Variants in ACYP2 observed in about 807,000 individuals in gnomAD.
The protein encoded by ACYP2 is acylphosphatase 2, also known as acylphosphatase-2.
ACYP2 carries 12 observed loss-of-function variants against 11.2 expected under a neutral mutation model. The ratio of observed to expected loss-of-function variants is 1.08; its 90% CI spans 0.69 to 1.74. The LOEUF (loss-of-function observed/expected upper bound fraction) is 1.74. ACYP2 is among the 40% of genes most tolerant of loss of function. The probability of loss-of-function intolerance (pLI) is 0.00; values close to 1 mark genes in which losing one functional copy is unlikely to be tolerated. For synonymous variants in ACYP2, 43 were observed against 32.2 expected, an observed-to-expected ratio of 1.33 and a Z score of -1.13; for missense variants, 134 against 101.9, an observed-to-expected ratio of 1.31 and a Z score of -1.35.
intron 6 of ACYP2, among the ~76,000 whole-genome samples, chr2:54,266,624 G>T (rs1573018674): frequency 2.7e-5 from 1 of 36,994 alleles, no homozygotes; most frequent in Non-Finnish European, 5.0e-5. Flanking sequence ...TTTTTTTTTT[G>T]AGACGGAGTC....
intron 6 of ACYP2, among the ~76,000 whole-genome samples, chr2:54,192,544 G>A (rs1057492464): frequency 4.6e-5 from 7 of 152,060 alleles, no homozygotes; most frequent in African/African-American, 1.4e-4. Context: ...ATTCCAGCCA[G>A]AACCTGGGAA....
intron 4 of ACYP2, among the ~76,000 whole-genome samples, chr2:54,069,474 A>T (rs1358881669): frequency 6.6e-6 from 1 of 152,118 alleles, no homozygotes; most frequent in East Asian, 1.9e-4. Context: ...CATCTTTGCT[A>T]ACACGGTGAA....
At chr2:54,184,936 T>G (rs149369877) in intron 6 of ACYP2, among the ~76,000 whole-genome samples, 4,699 of 150,984 alleles carry the variant, frequency 0.031, 240 homozygotes, top group African/African-American at 0.11. Flanking sequence ...AACCTCTGCC[T>G]CCCGGGTTCA....
intron 6 of ACYP2, chr2:54,142,890 A>C (rs1362966900): frequency 1.3e-5 from 2 of 152,122 alleles, no homozygotes; most frequent in Non-Finnish European, 2.9e-5. Context: ...TTTCTTGCTA[A>C]GTTATTTCTA....
chr2:53,988,371 A>G (rs746046331), intron 2 of ACYP2, among the ~76,000 whole-genome samples: 3 of 152,058 alleles, frequency 2.0e-5, no homozygotes, highest in Admixed American at 1.3e-4. Context: ...TGTTTTGCCT[A>G]TGAATGTCCC....
chr2:54,166,775 C>T (rs992043213), intron 6 of ACYP2, among the ~76,000 whole-genome samples: 9 of 152,144 alleles, frequency 5.9e-5, no homozygotes, highest in Non-Finnish European at 1.2e-4. Context: ...TGTATCCCCA[C>T]CTTCCAAGCC....
intron 4 of ACYP2, among the ~76,000 whole-genome samples, chr2:54,127,264 A>T (rs911229906): frequency 2.0e-5 from 3 of 152,198 alleles, no homozygotes; most frequent in Non-Finnish European, 4.4e-5. Context: ...TATGTTTTGC[A>T]TACATGGAAA....
intron 4 of ACYP2, among the ~76,000 whole-genome samples, chr2:54,063,470 G>A (rs1316357320): frequency 6.6e-6 from 1 of 152,196 alleles, no homozygotes; most frequent in African/African-American, 2.4e-5. Flanking sequence ...GCATCAACAA[G>A]CAACCTGTCC....
Position 54,051,687 on chromosome 2 carries a change from T to C in ACYP2, c.155+637T>C, listed in dbSNP as rs1675874858. On this transcript the variant is annotated intron_variant, in intron 3 of 6. Coordinates refer to ENST00000607452, the MANE Select transcript of ACYP2 (RefSeq NM_001320586.2). ...AAATATGAAAGGATATTGCTGCATA[T>C]TGAGCTAAAGGAAAGCCTGATGCAG... The C allele has an allele frequency of 6.0e-6, 4 of 663,328 alleles. No individual in the cohort carries two copies. In the East Asian group the frequency reaches 8.7e-5, roughly 14 times the overall value. 41.1% of individuals were successfully genotyped at this position (663,328 alleles called of 1,614,324 possible). A position where few individuals can be genotyped will look rare whatever the true frequency, so the allele number is the denominator to read the frequency against.
At chr2:54,019,183 C>T (rs1270904165) in intron 2 of ACYP2, among the ~76,000 whole-genome samples, 1 of 151,894 alleles carries the variant, frequency 6.6e-6, no homozygotes, top group East Asian at 1.9e-4. Context: ...CCTTCCACCT[C>T]AGCCTCCTTA....
At chr2:54,002,157 C>G (rs1204818069) in intron 2 of ACYP2, among the ~76,000 whole-genome samples, 1 of 152,200 alleles carries the variant, frequency 6.6e-6, no homozygotes, top group Non-Finnish European at 1.5e-5. Flanking sequence ...CATGTCCTGC[C>G]TATTCATTCC....
chr2:54,253,239 G>C (rs1438801571), intron 6 of ACYP2: 1 of 152,208 alleles, frequency 6.6e-6, no homozygotes, highest in Non-Finnish European at 1.5e-5. Context: ...TTCCGCATCA[G>C]ATAAGACCAA....
At chr2:54,299,434 A>G (rs1689637866) in intron 6 of ACYP2, among the ~76,000 whole-genome samples, 1 of 152,022 alleles carries the variant, frequency 6.6e-6, no homozygotes. Flanking sequence ...TCTACTAAAA[A>G]TACAAAAATT....
chr2:54,041,335 T>C (rs1675214227), intron 2 of ACYP2, among the ~76,000 whole-genome samples: 1 of 151,964 alleles, frequency 6.6e-6, no homozygotes, highest in African/African-American at 2.4e-5. Context: ...CGGTGGGTGT[T>C]TGTGGGAGCT....
intron 6 of ACYP2, among the ~76,000 whole-genome samples, chr2:54,195,387 T>G (rs1006056843): frequency 1.3e-5 from 2 of 152,200 alleles, no homozygotes; most frequent in African/African-American, 2.4e-5. Context: ...ACGACTATAG[T>G]TAATAGATTT....
In ACYP2 at chr2:54,006,338, G is replaced by A. The variant is rs1375697367; in HGVS notation, c.62+32528G>A. ...AATTTTTGTATTTTTAGTAGAGAGG[G>A]GTTTCACCATATTGGCCAGGCTGGT... On this transcript the variant is annotated intron_variant, in intron 2 of 6. Coordinates refer to ENST00000607452, the MANE Select transcript of ACYP2 (RefSeq NM_001320586.2). Among the ~76,000 whole-genome samples, 3 of 152,088 alleles carry A rather than the reference G, an allele frequency of 2.0e-5. No individual in the cohort carries two copies. The East Asian group carries it at 5.8e-4, about 29-fold the overall frequency.
At chr2:54,131,286 G>A (rs1485303585) in intron 4 of ACYP2, among the ~76,000 whole-genome samples, 3 of 152,304 alleles carry the variant, frequency 2.0e-5, no homozygotes, top group African/African-American at 7.2e-5. Context: ...TGGAATATCT[G>A]TGTTTGATTC....
At chr2:53,992,830 CAA>C (rs535748279) in intron 2 of ACYP2, among the ~76,000 whole-genome samples, 13 of 100,680 alleles carry the variant, frequency 1.3e-4, no homozygotes, top group East Asian at 2.7e-4. Flanking sequence ...AACTCCATCT[CAA>C]AAAAAAAAAA....
intron 2 of ACYP2, among the ~76,000 whole-genome samples, chr2:54,002,874 C>G (rs1057389430): frequency 1.8e-4 from 26 of 146,654 alleles, no homozygotes; most frequent in Admixed American, 1.4e-4. Context: ...TCTTGAACTC[C>G]TCACCTCAGG....
Sources: allele counts gnomAD v4.1 joint callset (sites outside exome capture counted in the v4.1 genomes callset), GRCh38; gene constraint gnomAD v4.1.1; transcripts MANE v1.5; gene names NCBI Gene and HGNC (gene_info 2026-07-23, HGNC 2026-07-21).